SLC16A9: variants seen among roughly 807,000 people sequenced by gnomAD.
SLC16A9 encodes monocarboxylate transporter 9.
SLC16A9 carries 26 observed loss-of-function variants against 44.3 expected under a neutral mutation model. That is an observed-to-expected ratio of 0.59 (90% CI 0.43 to 0.81). The LOEUF (loss-of-function observed/expected upper bound fraction) is 0.81. SLC16A9 is among the 40% of genes least tolerant of loss of function. SLC16A9 has a pLI of 0.00. For synonymous variants in SLC16A9, 230 were observed against 225.1 expected, an observed-to-expected ratio of 1.02 and a Z score of -0.19; for missense variants, 559 against 595.8, an observed-to-expected ratio of 0.94 and a Z score of 0.64.
chr10:59,650,774 A>C lies in SLC16A9; in HGVS notation c.*1998T>G, dbSNP rs563198107. On this transcript the variant is annotated 3_prime_UTR_variant, in exon 6 of 6. Transcript: ENST00000395348. ...AAGCAACCAAACTGATGCAAAACAA[A>C]GAAAAATATTTTATTGTAACTTAAA... 1 of 152,334 alleles carries C rather than the reference A, an allele frequency of 6.6e-6. No homozygotes were observed. Among genetic ancestry groups the C allele is most frequent in the South Asian group, 2.1e-4 (1 of 4,830 alleles). The allele number at this position is 152,334 out of a possible 1,614,324, so 9.4% of individuals were successfully genotyped here.
chr10:59,664,146 A>C, intron 4 of SLC16A9, 81 bp downstream of exon 4: 3 of 863,900 alleles, frequency 3.5e-6, no homozygotes, highest in Non-Finnish European at 5.1e-6. Flanking sequence ...ATGGTTGGTT[A>C]AACATGTCTG....
chr10:59,652,641 T>C lies in SLC16A9; in HGVS notation c.*131A>G, dbSNP rs1168004619. 1.3e-6 allele frequency: 1 copy of C among 752,276 alleles called. No homozygotes were observed. Among genetic ancestry groups the C allele is most frequent in the African/African-American group, 1.8e-5 (1 of 55,486 alleles). The allele number at this position is 752,276 out of a possible 1,614,324, so 46.6% of individuals were successfully genotyped here. ...AGGATATATAAAAAAAAATAATTCATTCAGAGTCAGTCATTGTGAAATTTT... is the reference window on the plus strand; with the variant it reads ...AGGATATATAAAAAAAAATAATTCACTCAGAGTCAGTCATTGTGAAATTTT... On this transcript the variant is annotated 3_prime_UTR_variant, in exon 6 of 6. Coordinates refer to ENST00000395348, the MANE Select transcript of SLC16A9 (RefSeq NM_194298.3).
chr10:59,689,236 C>T (rs898970762), intron 1 of SLC16A9, among the ~76,000 whole-genome samples: 1 of 152,058 alleles, frequency 6.6e-6, no homozygotes, highest in East Asian at 1.9e-4. Flanking sequence ...ACTCTAGTAC[C>T]CTCCTCCCGT....
At chr10:59,699,687 ACT>A (rs1365752931) in intron 1 of SLC16A9, among the ~76,000 whole-genome samples, 1 of 145,556 alleles carries the variant, frequency 6.9e-6, no homozygotes, top group African/African-American at 2.5e-5. Context: ...ATGAAGTATC[ACT>A]CTTTTTTTTT....
At chr10:59,700,494 T>C (rs1840498530) in intron 1 of SLC16A9, among the ~76,000 whole-genome samples, 1 of 152,162 alleles carries the variant, frequency 6.6e-6, no homozygotes, top group Non-Finnish European at 1.5e-5. Flanking sequence ...AAAAAGCAAA[T>C]GAAGAACTCC....
intron 1 of SLC16A9, among the ~76,000 whole-genome samples, chr10:59,693,610 A>AT (rs1840300593): frequency 6.6e-6 from 1 of 151,022 alleles, no homozygotes; most frequent in Non-Finnish European, 1.5e-5. Context: ...AATTTTATGT[A>AT]TTATTTATTT....
At chr10:59,699,901 AACAC>A (rs57820696) in intron 1 of SLC16A9, among the ~76,000 whole-genome samples, 64,898 of 147,482 alleles carry the variant, frequency 0.44, 15,545 homozygotes, top group East Asian at 0.85. Flanking sequence ...CTGCACTGAA[AACAC>A]ACACACACAC....
chr10:59,676,018 G>A (rs1409564957), intron 2 of SLC16A9, among the ~76,000 whole-genome samples: 2 of 152,118 alleles, frequency 1.3e-5, no homozygotes, highest in African/African-American at 2.4e-5. Flanking sequence ...GCCCCCTGGC[G>A]GAATTCTTTC....
At chr10:59,688,400 T>C (rs778799650) in intron 1 of SLC16A9, among the ~76,000 whole-genome samples, 24 of 152,110 alleles carry the variant, frequency 1.6e-4, no homozygotes, top group Non-Finnish European at 1.0e-4. Flanking sequence ...ACAAATTAAC[T>C]TTCAACATTT....
rs1277416283 is a variant in SLC16A9 at position 59,653,676 on chromosome 10, A to G, written c.1350T>C (p.Val450=). Residue 450 remains valine, a splice_region_variant and synonymous_variant, in exon 5 of 6, where the codon GTT becomes GTC. Transcript: ENST00000395348. ...ATGATTTTAAGATAAATATCTTACCAACGATGGGTGGTCCTAGGCTATTTC... is the reference window on the plus strand; with the variant it reads ...ATGATTTTAAGATAAATATCTTACCGACGATGGGTGGTCCTAGGCTATTTC... ...GLGNSLGPPI[V]GWFYDWTQTY... 1.9e-6 allele frequency: 3 copies of G among 1,606,552 alleles called. No homozygotes were observed. In the Admixed American group the frequency reaches 5.1e-5, roughly 27 times the overall value.
chr10:59,657,557 G>A (rs554975966), intron 4 of SLC16A9, among the ~76,000 whole-genome samples: 3 of 152,196 alleles, frequency 2.0e-5, no homozygotes, highest in African/African-American at 7.2e-5. Context: ...AATCTTGACT[G>A]CCCATAGTTG....
At chr10:59,672,712 G>C (rs758897638) in intron 3 of SLC16A9, 58 bp downstream of exon 3, 1 of 1,495,344 alleles carries the variant, frequency 6.7e-7, no homozygotes, top group African/African-American at 1.4e-5. Flanking sequence ...ACCTGGCACT[G>C]GTGAAATGAT....
intron 1 of SLC16A9, among the ~76,000 whole-genome samples, chr10:59,698,759 CAG>C (rs953140601): frequency 6.7e-6 from 1 of 149,228 alleles, no homozygotes; most frequent in African/African-American, 2.5e-5. Flanking sequence ...TTTTTTTGAG[CAG>C]AGTTTCACTC....
chr10:59,657,600 GC>G (rs1464693228), intron 4 of SLC16A9, among the ~76,000 whole-genome samples: 4 of 152,066 alleles, frequency 2.6e-5, no homozygotes, highest in Non-Finnish European at 4.4e-5. Flanking sequence ...TATGGACCAG[GC>G]CCCTATGCCC....
At chr10:59,659,788 A>G (rs549665726) in intron 4 of SLC16A9, among the ~76,000 whole-genome samples, 1 of 152,350 alleles carries the variant, frequency 6.6e-6, no homozygotes, top group South Asian at 2.1e-4. Context: ...AACGGAAATC[A>G]TAACAAACAG....
chr10:59,696,141 C>T (rs942504572), intron 1 of SLC16A9, among the ~76,000 whole-genome samples: 6 of 152,158 alleles, frequency 3.9e-5, no homozygotes, highest in African/African-American at 1.4e-4. Context: ...CCACGGTCTC[C>T]CTCTGATGCC....
At chr10:59,661,519 C>T (rs1387614789) in intron 4 of SLC16A9, among the ~76,000 whole-genome samples, 1 of 152,162 alleles carries the variant, frequency 6.6e-6, no homozygotes. Flanking sequence ...AATGAAAAAA[C>T]CTTCCATGCT....
intron 1 of SLC16A9, among the ~76,000 whole-genome samples, chr10:59,704,744 C>G (rs988861741): frequency 3.9e-5 from 6 of 152,198 alleles, no homozygotes; most frequent in African/African-American, 1.4e-4. Context: ...ACACAACCCT[C>G]TCCTCCAGAG....
chr10:59,686,583 T>C (rs1840139244), intron 1 of SLC16A9, among the ~76,000 whole-genome samples: 1 of 152,190 alleles, frequency 6.6e-6, no homozygotes, highest in African/African-American at 2.4e-5. Flanking sequence ...TTTATTTGTC[T>C]TCTGTTTGTA....
Sources: allele counts gnomAD v4.1 joint callset (sites outside exome capture counted in the v4.1 genomes callset), GRCh38; gene constraint gnomAD v4.1.1; transcripts MANE v1.5; gene names NCBI Gene and HGNC (gene_info 2026-07-23, HGNC 2026-07-21).